FKBP4: variants seen among roughly 807,000 people sequenced by gnomAD.
The protein encoded by FKBP4 is FKBP prolyl isomerase 4.
In FKBP4, 28 loss-of-function variants were observed where a neutral mutation model predicts 54.1. The ratio of observed to expected loss-of-function variants is 0.52; its 90% CI spans 0.38 to 0.71. FKBP4 has a LOEUF of 0.71. Ranked by LOEUF, FKBP4 falls within the 30% of genes least tolerant of loss-of-function variation. The pLI, the probability that FKBP4 is intolerant of heterozygous loss-of-function variation, is 0.00. For missense variants in FKBP4, 493 were observed against 574.4 expected, an observed-to-expected ratio of 0.86 and a Z score of 1.45; for synonymous variants, 223 against 216.1, an observed-to-expected ratio of 1.03 and a Z score of -0.28.
At chr12:2,800,159 G>A (rs746751019) in intron 7 of FKBP4, 37 bp downstream of exon 7, 3 of 1,601,866 alleles carry the variant, frequency 1.9e-6, no homozygotes, top group South Asian at 2.2e-5. Flanking sequence ...ACACTCCCAG[G>A]AAGAGTTGCT....
chr12:2,799,895 A>G lies in FKBP4; in HGVS notation c.717A>G (p.Pro239=). The G allele has an allele frequency of 6.2e-7, 1 of 1,614,180 alleles. No homozygotes were observed. The highest frequency in any genetic ancestry group is 1.1e-5 in the South Asian group (1 of 91,084). The stretch of plus-strand genomic sequence containing the variant: ...GGAAGGAAAAGTTCCAAATCCCACC[A>G]AATGCTGAGCTGAAATATGAATTAC... ...SVGKEKFQIP[P]NAELKYELHL... Residue 239 remains proline, a synonymous_variant, in exon 6 of 10, where the codon CCA becomes CCG. Coordinates refer to ENST00000001008, the MANE Select transcript of FKBP4 (RefSeq NM_002014.4).
Position 2,798,985 on chromosome 12 carries a change from G to C in FKBP4, c.515-103G>C, listed in dbSNP as rs186909178. The C allele has an allele frequency of 1.4e-6, 2 of 1,425,462 alleles. No individual in the cohort carries two copies. Among genetic ancestry groups the C allele is most frequent in the African/African-American group, 1.4e-5 (1 of 70,200 alleles). The allele number at this position is 1,425,462 out of a possible 1,614,324, so 88.3% of individuals were successfully genotyped here. A position where few individuals can be genotyped will look rare whatever the true frequency, so the allele number is the denominator to read the frequency against. ...TATCACTCCAGATTTGAGAACACAGGAGAATCTTGGGATGATGGGGGTGAT... is the reference window on the plus strand; with the variant it reads ...TATCACTCCAGATTTGAGAACACAGCAGAATCTTGGGATGATGGGGGTGAT... On this transcript the variant is annotated intron_variant, in intron 4 of 9. Transcript: ENST00000001008. This position sits in a 1 kb window ranked among gnomAD's most constrained non-coding sequence, Gnocchi z 4.3.
At position 2,797,717 on chromosome 12, in the gene FKBP4, C is replaced by T. The variant is rs770959706; in HGVS notation, c.251-12C>T. 6.2e-7 allele frequency: 1 copy of T among 1,607,506 alleles called. No homozygotes were observed. The highest frequency in any genetic ancestry group is 1.1e-5 in the South Asian group (1 of 90,458). On this transcript the variant is annotated splice_polypyrimidine_tract_variant and intron_variant, in intron 2 of 9. Transcript: ENST00000001008. ...CCTGCTAAGGCGGTCCTGTTTGCTT[C>T]TGTACCTGCAGGGGAGGTCATCAAG...
chr12:2,797,314 T>C, intron 2 of FKBP4, 32 bp downstream of exon 2: 1 of 1,612,378 alleles, frequency 6.2e-7, no homozygotes, highest in Non-Finnish European at 8.5e-7. Context: ...GTAGGATAGG[T>C]TCGAGGTGGA....
Position 2,803,404 on chromosome 12 carries a change from GA to G in FKBP4, c.*149del. ...TGGATGGTGGCTTTAGGGGAAGGGG[GA>G]AAGGTGTAGGCTGGGGGATTGAGGT... On this transcript the variant is annotated 3_prime_UTR_variant, in exon 10 of 10. Coordinates refer to ENST00000001008, the MANE Select transcript of FKBP4 (RefSeq NM_002014.4). 1.6e-6 allele frequency: 1 copy of G among 631,932 alleles called. No individual in the cohort carries two copies. Among genetic ancestry groups the G allele is most frequent in the Non-Finnish European group, 2.8e-6 (1 of 356,148 alleles). The allele number at this position is 631,932 out of a possible 1,614,324, so 39.1% of individuals were successfully genotyped here.
intron 9 of FKBP4, among the ~76,000 whole-genome samples, chr12:2,802,188 A>C (rs2097905205): frequency 1.3e-5 from 2 of 151,926 alleles, no homozygotes; most frequent in Non-Finnish European, 2.9e-5. Flanking sequence ...CCCAGGCTGG[A>C]GTGCAATGGC....
chr12:2,800,407 C>G lies in FKBP4; in HGVS notation c.862C>G (p.Gln288Glu). The change falls in exon 8 of 10, where the codon CAA becomes GAA. Residue 288 changes from glutamine (Q) to glutamate (E), a missense_variant. Physicochemically the swap from Gln to Glu is conservative, Grantham distance 29. Coordinates refer to ENST00000001008, the MANE Select transcript of FKBP4 (RefSeq NM_002014.4). The stretch of plus-strand genomic sequence containing the variant: ...CCCATTCCAGGAAGGTAAATACAAG[C>G]AAGCTTTACTACAGTATAAGAAGAT... ...TVYFKEGKYK[Q>E]ALLQYKKIVS... 4 of 1,610,784 alleles carry G rather than the reference C, an allele frequency of 2.5e-6. No individual in the cohort carries two copies. The highest frequency in any genetic ancestry group is 3.4e-6 in the Non-Finnish European group (4 of 1,178,448).
chr12:2,798,617 TTAG>T lies in FKBP4; in HGVS notation c.394-85_394-83del. The T allele has an allele frequency of 6.3e-7, 1 of 1,594,668 alleles. No individual in the cohort carries two copies. Among genetic ancestry groups the T allele is most frequent in the Middle Eastern group, 2.3e-4 (1 of 4,348 alleles). On this transcript the variant is annotated intron_variant, in intron 3 of 9. Coordinates refer to ENST00000001008, the MANE Select transcript of FKBP4 (RefSeq NM_002014.4). The surrounding 1 kb of genome is among the most constrained non-coding windows in gnomAD (Gnocchi z 4.3). ...CTTGTGGTCAGATCCGGCCTGGCAGTTAGTAGGGACTCTCTCGGATGAGAAAGA... is the reference window on the plus strand; with the variant it reads ...CTTGTGGTCAGATCCGGCCTGGCAGTTAGGGACTCTCTCGGATGAGAAAGA...
At chr12:2,796,424 C>G (rs1214116453) in intron 1 of FKBP4, 12 of 1,279,890 alleles carry the variant, frequency 9.4e-6, no homozygotes, top group Non-Finnish European at 1.2e-5. Context: ...TTCTACTCCT[C>G]AAAGCCCCTG....
chr12:2,797,906 C>T, intron 3 of FKBP4, 35 bp downstream of exon 3: 1 of 1,596,348 alleles, frequency 6.3e-7, no homozygotes, highest in South Asian at 1.1e-5. Context: ...AGGCTAAGAG[C>T]CAGGCCTTAT....
chr12:2,796,694 AGT>A, intron 1 of FKBP4: 3 of 1,075,090 alleles, frequency 2.8e-6, no homozygotes, highest in Non-Finnish European at 3.4e-6. Flanking sequence ...ACCAGACCTT[AGT>A]CTGACGACCA....
At position 2,799,139 on chromosome 12, in the gene FKBP4, G is replaced by C; in HGVS notation, c.566G>C (p.Arg189Pro). ...AAGCTCTTTGACCAGCGGGAGCTCC[G>C]CTTTGAGATTGGCGAGGGGGAGAAC... ...KDKLFDQREL[R>P]FEIGEGENLD... is the part of the protein sequence containing the mutation. Residue 189 changes from arginine (R) to proline (P), a missense_variant, in exon 5 of 10, where the codon CGC (arginine) becomes CCC (proline). Transcript: ENST00000001008. 7 of 1,585,416 alleles carry C rather than the reference G, an allele frequency of 4.4e-6. No individual in the cohort carries two copies. Among genetic ancestry groups the C allele is most frequent in the Non-Finnish European group, 6.0e-6 (7 of 1,168,626 alleles).
rs1000211086 is a variant in FKBP4, at chr12:2,797,416, T to C, written c.250+134T>C. On this transcript the variant is annotated intron_variant, in intron 2 of 9. Coordinates refer to ENST00000001008, the MANE Select transcript of FKBP4 (RefSeq NM_002014.4). ...TCTGTTAACTCTTTCGGTCACTCTT[T>C]TTTTTTTTTTTCTACCGTTCTGTAA... 19 of 1,056,106 alleles carry C rather than the reference T, an allele frequency of 1.8e-5. No homozygotes were observed. The Admixed American group carries it at 4.6e-4, about 25-fold the overall frequency. 65.4% of individuals were successfully genotyped at this position (1,056,106 alleles called of 1,614,324 possible). A position where few individuals can be genotyped will look rare whatever the true frequency, so the allele number is the denominator to read the frequency against.
chr12:2,801,521 T>C, intron 9 of FKBP4, 165 bp downstream of exon 9: 2 of 973,446 alleles, frequency 2.1e-6, no homozygotes, highest in South Asian at 3.1e-5. Context: ...GCCAGTGTTC[T>C]GTGATCAGTG....
Position 2,798,852 on chromosome 12 carries a change from A to C in FKBP4, c.514+26A>C, listed in dbSNP as rs548673857. ...GTGAGACAGTACAGTCTGGGCTTTC[A>C]ATTCTCATTCTGATATTTAGGCCTT... is the stretch of plus-strand genomic sequence containing the variant. On this transcript the variant is annotated intron_variant, in intron 4 of 9. Transcript: ENST00000001008. The surrounding 1 kb of genome is among the most constrained non-coding windows in gnomAD (Gnocchi z 4.3). The C allele has an allele frequency of 6.2e-7, 1 of 1,610,094 alleles. No homozygotes were observed. The highest frequency in any genetic ancestry group is 1.7e-5 in the Admixed American group (1 of 59,934).
chr12:2,800,348 C>A, intron 7 of FKBP4, 44 bp from the exon 8 acceptor site: 2 of 1,571,688 alleles, frequency 1.3e-6, no homozygotes. Flanking sequence ...GAGCCTAGTA[C>A]CACTGAAACT....
chr12:2,797,625 G>A, intron 2 of FKBP4, 104 bp from the exon 3 acceptor site: 1 of 1,384,716 alleles, frequency 7.2e-7, no homozygotes, highest in Non-Finnish European at 9.8e-7. Context: ...TCTAAAGGAT[G>A]TCCAGCTTCC....
chr12:2,803,576 T>C lies in FKBP4; in HGVS notation c.*318T>C, dbSNP rs1192422169. ...TTCTAAGGGTAGAAGAGGCAAGTGG[T>C]AGGGATGAGGTCTGATAAGAACCCA... is the stretch of plus-strand genomic sequence containing the variant. On this transcript the variant is annotated 3_prime_UTR_variant, in exon 10 of 10. Transcript: ENST00000001008. 3.8e-6 allele frequency: 1 copy of C among 263,672 alleles called. No homozygotes were observed. The highest frequency in any genetic ancestry group is 7.6e-6 in the Non-Finnish European group (1 of 131,222). 16.3% of individuals were successfully genotyped at this position (263,672 alleles called of 1,614,324 possible). A position where few individuals can be genotyped will look rare whatever the true frequency, so the allele number is the denominator to read the frequency against.
chr12:2,800,907 A>G (rs2097904375), intron 8 of FKBP4, among the ~76,000 whole-genome samples: 3 of 152,202 alleles, frequency 2.0e-5, no homozygotes, highest in African/African-American at 4.8e-5. Context: ...TTTCATCCAA[A>G]GACCTGCTGT....
Sources: allele counts gnomAD v4.1 joint callset (sites outside exome capture counted in the v4.1 genomes callset), GRCh38; gene constraint gnomAD v4.1.1; non-coding constraint Gnocchi (gnomAD v3.1); transcripts MANE v1.5; gene names NCBI Gene and HGNC (gene_info 2026-07-23, HGNC 2026-07-21).